Variants in REXO4 observed in about 807,000 individuals in gnomAD.
REXO4 encodes REX4 homolog, 3'-5' exonuclease.
REXO4 carries 29 observed loss-of-function variants against 39.9 expected under a neutral mutation model. That is an observed-to-expected ratio of 0.73 (90% confidence interval 0.54 to 0.99). The LOEUF is 0.99. Among genes scored for constraint, REXO4 ranks in the 50% least tolerant of loss-of-function variants. The probability of loss-of-function intolerance (pLI) is 0.00; values close to 1 mark genes in which losing one functional copy is unlikely to be tolerated. For missense variants in REXO4, 524 were observed against 546.5 expected (o/e 0.96, Z 0.41); for synonymous variants, 184 against 206.2 (o/e 0.89, Z 0.92).
chr9:133,410,810 C>T (rs1839170110), intron 5 of REXO4, among the ~76,000 whole-genome samples, 175 bp downstream of exon 5: 1 of 152,200 alleles, frequency 6.6e-6, no homozygotes, highest in Non-Finnish European at 1.5e-5. Flanking sequence ...AAGAGCCTGG[C>T]ATGGCTCCTA....
chr9:133,406,997 G>A lies in REXO4; in HGVS notation c.1225C>T (p.Arg409Cys), dbSNP rs200117719. Residue 409 changes from arginine (R) to cysteine (C), a missense_variant, in exon 8 of 8, where the codon CGC (arginine) becomes TGC (cysteine). Coordinates refer to ENST00000371942, the MANE Select transcript of REXO4 (RefSeq NM_020385.4). ...KEWESMARDR[R>C]PLLTAPDHCS... ...TGGTCTGGAGCAGTCAGCAGGGGGC[G>A]CCTGTCTCGGGCCATGCTCTCCCAC... 45 of 1,612,850 alleles carry A rather than the reference G, an allele frequency of 2.8e-5. No individual in the cohort carries two copies. In the African/African-American group the frequency reaches 3.5e-4, roughly 12 times the overall value.
At chr9:133,410,715 G>A (rs1839166253) in intron 5 of REXO4, among the ~76,000 whole-genome samples, 1 of 152,224 alleles carries the variant, frequency 6.6e-6, no homozygotes, top group South Asian at 2.1e-4. Flanking sequence ...GGTAAAAGGG[G>A]TATCAGCACC....
In REXO4 at chr9:133,406,591, C is replaced by T. The variant is rs2130699317; in HGVS notation, c.*362G>A. ...TCCTCGAGAGGAAGGTGCTGAGCAC[C>T]TCACCCCAGGGTGTCACCGAAGATG... On this transcript the variant is annotated 3_prime_UTR_variant, in exon 8 of 8. Transcript: ENST00000371942. 1.1e-5 allele frequency: 3 copies of T among 281,570 alleles called. No homozygotes were observed. The South Asian group carries it at 1.4e-4, about 13-fold the overall frequency. 17.4% of individuals were successfully genotyped at this position (281,570 alleles called of 1,614,324 possible).
rs587622794 is a variant in REXO4 at position 133,408,891 on chromosome 9, T to C, written c.1000-49A>G. The C allele has an allele frequency of 1.6e-5, 19 of 1,192,434 alleles. No individual in the cohort carries two copies. In the South Asian group the frequency reaches 2.3e-4, roughly 15 times the overall value. 73.9% of individuals were successfully genotyped at this position (1,192,434 alleles called of 1,614,324 possible). The stretch of plus-strand genomic sequence containing the variant: ...AATCATTTTCATTTTTGGTTTGTAG[T>C]AGCAGAACCCCCTCCCCCCGCCACC... On this transcript the variant is annotated intron_variant, in intron 5 of 7. Coordinates refer to ENST00000371942, the MANE Select transcript of REXO4 (RefSeq NM_020385.4).
chr9:133,407,531 G>C (rs1027140670), intron 7 of REXO4, among the ~76,000 whole-genome samples: 1 of 152,174 alleles, frequency 6.6e-6, no homozygotes, highest in Non-Finnish European at 1.5e-5. Context: ...CTGCGGGGGT[G>C]GGGGGACCCT....
intron 6 of REXO4, among the ~76,000 whole-genome samples, chr9:133,408,298 A>G (rs1428695538): frequency 6.6e-6 from 1 of 152,134 alleles, no homozygotes; most frequent in Non-Finnish European, 1.5e-5. Context: ...TAAAAAAATA[A>G]AAATAAAAAA....
chr9:133,414,429 C>A, intron 2 of REXO4: 1 of 688,634 alleles, frequency 1.5e-6, no homozygotes. Flanking sequence ...CTTCCACACA[C>A]GTGTACTGGC....
intron 5 of REXO4, among the ~76,000 whole-genome samples, chr9:133,409,122 T>C (rs587726265): frequency 2.0e-3 from 309 of 152,196 alleles, no homozygotes; most frequent in Non-Finnish European, 3.1e-3. Flanking sequence ...CCCGCCACCA[T>C]GCCTGGCTAA....
In REXO4 at chr9:133,411,034, A is replaced by G; in HGVS notation, c.950T>C (p.Met317Thr). 6.2e-7 allele frequency: 1 copy of G among 1,614,154 alleles called. No homozygotes were observed. Among genetic ancestry groups the G allele is most frequent in the Non-Finnish European group, 8.5e-7 (1 of 1,180,016 alleles). The change falls in exon 5 of 8, where the codon ATG becomes ACG. Residue 317 changes from methionine (M) to threonine (T), a missense_variant. By Grantham distance (81) the Met-to-Thr change is moderately conservative (BLOSUM62 -1). Coordinates refer to ENST00000371942, the MANE Select transcript of REXO4 (RefSeq NM_020385.4). ...CCCCACTAGAATTCTGCCCTTCAGC[A>G]TCTCTGCCACTTCCTTCTGAACAAC... ...LEVVQKEVAE[M>T]LKGRILVGHA...
chr9:133,411,238 T>C (rs1367920965), intron 4 of REXO4, among the ~76,000 whole-genome samples, 165 bp from the exon 5 acceptor site: 2 of 152,104 alleles, frequency 1.3e-5, no homozygotes, highest in African/African-American at 4.8e-5. Flanking sequence ...CCCACCCCCC[T>C]GGGAGAAGTG....
rs199854018 is a variant in REXO4, at chr9:133,414,651, T to C, written c.572+14A>G. The C allele has an allele frequency of 1.9e-6, 3 of 1,611,924 alleles. No homozygotes were observed. Among genetic ancestry groups the C allele is most frequent in the Admixed American group, 3.3e-5 (2 of 60,000 alleles). On this transcript the variant is annotated intron_variant, in intron 2 of 7. Transcript: ENST00000371942. ...TGTGCCTCGGTTCTCAGTGGTGAGG[T>C]GGCCCATACTTACTCGGTGGGTGGG...
chr9:133,410,929 G>C lies in REXO4; in HGVS notation c.999+56C>G, dbSNP rs1839175029. 6.1e-6 allele frequency: 8 copies of C among 1,303,180 alleles called. No homozygotes were observed. The Admixed American group carries it at 1.0e-4, about 16-fold the overall frequency. 80.7% of individuals were successfully genotyped at this position (1,303,180 alleles called of 1,614,324 possible). Reference sequence around the variant, plus strand: ...AAACTCCCCAACACAGCAAGGGCGTGAGTGTAACACCCACGGAGCAGGGGC... The same window carrying C: ...AAACTCCCCAACACAGCAAGGGCGTCAGTGTAACACCCACGGAGCAGGGGC... On this transcript the variant is annotated intron_variant, in intron 5 of 7. Transcript: ENST00000371942.
At chr9:133,407,604 T>TA (rs1838965924) in intron 7 of REXO4, among the ~76,000 whole-genome samples, 1 of 152,182 alleles carries the variant, frequency 6.6e-6, no homozygotes, top group African/African-American at 2.4e-5. Context: ...TGTTAAGTGT[T>TA]AAATTCGTTA....
chr9:133,410,713 G>A (rs1839165989), intron 5 of REXO4, among the ~76,000 whole-genome samples: 1 of 152,200 alleles, frequency 6.6e-6, no homozygotes, highest in Non-Finnish European at 1.5e-5. Flanking sequence ...CAGGTAAAAG[G>A]GGTATCAGCA....
At chr9:133,418,024 C>T (rs141069732), upstream of REXO4, 18 of 606,228 alleles carry the variant, frequency 3.0e-5, no homozygotes, top group African/African-American at 2.8e-4. Context: ...TCAGCACGCA[C>T]GCTCCAGTCC....
intron 5 of REXO4, among the ~76,000 whole-genome samples, chr9:133,410,178 A>G (rs972015359): frequency 4.6e-5 from 7 of 152,200 alleles, no homozygotes; most frequent in Admixed American, 4.6e-4. Context: ...AACGGCTTCA[A>G]GTTCCTCACC....
At chr9:133,410,330 CCCTGTTCT>C (rs1554779870) in intron 5 of REXO4, among the ~76,000 whole-genome samples, 2 of 152,222 alleles carry the variant, frequency 1.3e-5, no homozygotes, top group African/African-American at 4.8e-5. Flanking sequence ...GTGACCCCCA[CCCTGTTCT>C]CCTGTAAATA....
Position 133,408,458 on chromosome 9 carries a change from A to T in REXO4, c.1074+310T>A, listed in dbSNP as rs587701463. On this transcript the variant is annotated intron_variant, in intron 6 of 7. Coordinates refer to ENST00000371942, the MANE Select transcript of REXO4 (RefSeq NM_020385.4). Reference sequence around the variant, plus strand: ...TGGGTGACAGAGCAAGACCCTGTCTAAAAAAAAAAAAAAGGATGAAGAACG... The same window carrying T: ...TGGGTGACAGAGCAAGACCCTGTCTTAAAAAAAAAAAAAGGATGAAGAACG... Among the ~76,000 whole-genome samples the T allele has an allele frequency of 1.8e-3, 199 of 112,722 alleles. 1 individual carries two copies. Among genetic ancestry groups the T allele is most frequent in the African/African-American group, 7.5e-3 (195 of 25,930 alleles). 74.0% of individuals were successfully genotyped at this position (112,722 alleles called of 152,430 possible).
chr9:133,414,928 G>A lies in REXO4; in HGVS notation c.309C>T (p.Ile103=), dbSNP rs782287244. 2.2e-5 allele frequency: 36 copies of A among 1,613,816 alleles called. No individual in the cohort carries two copies. Among genetic ancestry groups the A allele is most frequent in the Non-Finnish European group, 2.6e-5 (31 of 1,179,956 alleles). ...QMGSKKKPKI[I]QQNKKETSPQ... ...GCGAGGTCTCTTTTTTGTTTTGCTG[G>A]ATAATTTTGGGCTTCTTTTTGGAAC... Residue 103 remains isoleucine (I), a synonymous_variant, in exon 2 of 8, where the codon ATC becomes ATT. Coordinates refer to ENST00000371942, the MANE Select transcript of REXO4 (RefSeq NM_020385.4).
Sources: gnomAD v4.1 joint callset for allele counts (sites outside exome capture counted in the v4.1 genomes callset) on GRCh38, gnomAD v4.1.1 for gene constraint, MANE v1.5 for transcripts, NCBI Gene and HGNC (gene_info 2026-07-23, HGNC 2026-07-21) for gene names.